CCDC88C: variants seen among roughly 807,000 people sequenced by gnomAD.
CCDC88C encodes protein Daple.
In CCDC88C, 131 loss-of-function variants were observed where a neutral mutation model predicts 198.8. The ratio of observed to expected loss-of-function variants is 0.66; its 90% CI spans 0.57 to 0.76. The LOEUF (loss-of-function observed/expected upper bound fraction) is 0.76, where lower values mean the gene tolerates loss of function less well. Ranked by LOEUF, CCDC88C falls within the 30% of genes least tolerant of loss-of-function variation. The pLI is 0.00. For missense variants in CCDC88C, 2,553 were observed against 2,631.6 expected, an observed-to-expected ratio of 0.97 and a Z score of 0.65; for synonymous variants, 1,166 against 1,114.7, an observed-to-expected ratio of 1.05 and a Z score of -0.92.
At position 91,313,666 on chromosome 14, in the gene CCDC88C, C is replaced by G; in HGVS notation, c.2150G>C (p.Arg717Pro). The part of the protein sequence containing the change: ...LELRRLVETM[R>P]FTSTKLAQME... Reference sequence around the variant, plus strand: ...CTGTGCCAGCTTGGTGCTGGTGAAGCGCATGGTCTCCACCAGCCTGCGCAG... The same window carrying G: ...CTGTGCCAGCTTGGTGCTGGTGAAGGGCATGGTCTCCACCAGCCTGCGCAG... Residue 717 changes from arginine (R) to proline (P), a missense_variant, in exon 15 of 30, where the codon CGC (arginine) becomes CCC (proline). By Grantham distance (103) the Arg-to-Pro change is moderately radical (BLOSUM62 -2). This residue lies in a region of CCDC88C where 1,260 missense variants were observed against 1,412.0 expected (regional missense o/e 0.89). Transcript: ENST00000389857. The surrounding 1 kb of genome is among the most constrained non-coding windows in gnomAD (Gnocchi z 5.2). 6.2e-7 allele frequency: 1 copy of G among 1,612,232 alleles called. No homozygotes were observed.
chr14:91,402,904 A>G (rs940803598), intron 3 of CCDC88C, among the ~76,000 whole-genome samples: 1 of 152,300 alleles, frequency 6.6e-6, no homozygotes, highest in African/African-American at 2.4e-5. Context: ...TTCACTTGAG[A>G]TAAGGAACCT....
At chr14:91,341,976 G>A (rs1042704967) in intron 6 of CCDC88C, among the ~76,000 whole-genome samples, 1 of 152,246 alleles carries the variant, frequency 6.6e-6, no homozygotes, top group Non-Finnish European at 1.5e-5. Context: ...GACAGAAGCA[G>A]AGAATCTCTC....
At position 91,339,486 on chromosome 14, in the gene CCDC88C, TGGA is replaced by T. The variant is rs1315617010; in HGVS notation, c.625-27_625-25del. The T allele has an allele frequency of 6.3e-6, 10 of 1,591,382 alleles. No homozygotes were observed. The highest frequency in any genetic ancestry group is 2.7e-5 in the African/African-American group (2 of 74,428). Reference sequence around the variant, plus strand: ...AGCTGCAGCCGGGCAGAGAGGGGGATGGAGGAGAACAAACGGGGTTAACCAGCA... The same window carrying T: ...AGCTGCAGCCGGGCAGAGAGGGGGATGGAGAACAAACGGGGTTAACCAGCA... On this transcript the variant is annotated intron_variant, in intron 7 of 29. Coordinates refer to ENST00000389857, the MANE Select transcript of CCDC88C (RefSeq NM_001080414.4). The surrounding 1 kb of genome is among the most constrained non-coding windows in gnomAD (Gnocchi z 5.8).
Position 91,339,763 on chromosome 14 carries a change from C to A in CCDC88C, c.624+121G>T. ...CCGTAACCAGGGAAAGCACGCACGT[C>A]CCACCCCCACCAGAACCTCAGCAGC... On this transcript the variant is annotated intron_variant, in intron 7 of 29. Coordinates refer to ENST00000389857, the MANE Select transcript of CCDC88C (RefSeq NM_001080414.4). This position sits in a 1 kb window ranked among gnomAD's most constrained non-coding sequence, Gnocchi z 5.8. The A allele has an allele frequency of 8.1e-7, 1 of 1,230,878 alleles. No homozygotes were observed. Among genetic ancestry groups the A allele is most frequent in the South Asian group, 1.6e-5 (1 of 63,562 alleles). The allele number at this position is 1,230,878 out of a possible 1,614,324, so 76.2% of individuals were successfully genotyped here.
chr14:91,350,830 C>T (rs1021806250), intron 4 of CCDC88C, among the ~76,000 whole-genome samples: 2 of 152,156 alleles, frequency 1.3e-5, no homozygotes, highest in Admixed American at 1.3e-4. Flanking sequence ...ACCATTACTG[C>T]ACCTTAATAT....
chr14:91,331,479 C>T (rs1407609422), intron 10 of CCDC88C, among the ~76,000 whole-genome samples: 2 of 152,216 alleles, frequency 1.3e-5, no homozygotes, highest in Non-Finnish European at 2.9e-5. Flanking sequence ...CCTGCCCCAC[C>T]CCGTTCCTGG....
At chr14:91,359,511 T>A in intron 4 of CCDC88C, 131 bp downstream of exon 4, 1 of 704,584 alleles carries the variant, frequency 1.4e-6, no homozygotes, top group Non-Finnish European at 2.5e-6. Context: ...CTCTTTAAAA[T>A]CTCACCAAAA....
At chr14:91,400,408 G>A (rs971063570) in intron 3 of CCDC88C, among the ~76,000 whole-genome samples, 3 of 152,218 alleles carry the variant, frequency 2.0e-5, no homozygotes, top group Non-Finnish European at 4.4e-5. Context: ...AATTCTGAAC[G>A]GACTGCAAAC....
At chr14:91,416,889 C>A in intron 1 of CCDC88C, 51 bp from the exon 2 acceptor site, 2 of 1,328,338 alleles carry the variant, frequency 1.5e-6, no homozygotes, top group Non-Finnish European at 2.1e-6. Context: ...CCCGTGCGCA[C>A]AAACGGTCCA....
chr14:91,297,759 G>C (rs1435977184), intron 21 of CCDC88C, among the ~76,000 whole-genome samples: 2 of 152,160 alleles, frequency 1.3e-5, no homozygotes, highest in Admixed American at 1.3e-4. Flanking sequence ...GAGCAGGCAA[G>C]CTCAGACACC....
intron 3 of CCDC88C, among the ~76,000 whole-genome samples, chr14:91,370,828 G>C (rs17127290): frequency 0.031 from 4,758 of 152,300 alleles, 155 homozygotes; most frequent in African/African-American, 0.081. Flanking sequence ...GAGCCATCAA[G>C]ATTATCCATA....
rs1255580203 is a variant in CCDC88C, at chr14:91,283,400, C to G, written c.4559G>C (p.Cys1520Ser). 2 of 1,613,772 alleles carry G rather than the reference C, an allele frequency of 1.2e-6. No homozygotes were observed. Among genetic ancestry groups the G allele is most frequent in the Non-Finnish European group, 1.7e-6 (2 of 1,179,834 alleles). The change falls in exon 26 of 30, where the codon TGC becomes TCC. Residue 1520 changes from cysteine (C) to serine (S), a missense_variant. Transcript: ENST00000389857. The stretch of plus-strand genomic sequence containing the variant: ...GGCTGTAGTGGTGGCTGAAGTTGAG[C>G]AAGTCCGGGAGCCCAGCTCCGAGGG... The part of the protein sequence containing the change: ...SWPSELGSRT[C>S]STSATTTAPS...
chr14:91,406,984 G>C (rs1886521064), intron 3 of CCDC88C, among the ~76,000 whole-genome samples: 1 of 152,148 alleles, frequency 6.6e-6, no homozygotes, highest in Non-Finnish European at 1.5e-5. Context: ...AAGCTTCCCA[G>C]ATGCAATGTC....
At chr14:91,311,793 C>A (rs1248523462) in intron 15 of CCDC88C, among the ~76,000 whole-genome samples, 1 of 152,146 alleles carries the variant, frequency 6.6e-6, no homozygotes, top group African/African-American at 2.4e-5. Flanking sequence ...GATTTTATAT[C>A]CCTCAAGAGA....
chr14:91,306,556 C>T (rs1020613363), intron 18 of CCDC88C, among the ~76,000 whole-genome samples: 2 of 152,180 alleles, frequency 1.3e-5, no homozygotes, highest in Admixed American at 1.3e-4. Context: ...TGTTGAGAAT[C>T]AAAGTCAGAG....
chr14:91,359,270 C>A (rs1334398833), intron 4 of CCDC88C, among the ~76,000 whole-genome samples: 6 of 140,374 alleles, frequency 4.3e-5, no homozygotes, highest in Admixed American at 1.4e-4. Flanking sequence ...CCTGCCTCAG[C>A]CTCCCGAGTA....
intron 4 of CCDC88C, among the ~76,000 whole-genome samples, chr14:91,347,539 T>C (rs1446357379): frequency 6.6e-6 from 1 of 152,080 alleles, no homozygotes; most frequent in African/African-American, 2.4e-5. Flanking sequence ...GAACAGACAC[T>C]TCTCAAAAGA....
At chr14:91,345,054 A>G (rs1447895079) in intron 4 of CCDC88C, among the ~76,000 whole-genome samples, 1 of 151,266 alleles carries the variant, frequency 6.6e-6, no homozygotes, top group African/African-American at 2.4e-5. Flanking sequence ...TCAGCCTTCC[A>G]AAGTGTTGGG....
chr14:91,390,175 A>G (rs959401395), intron 3 of CCDC88C, among the ~76,000 whole-genome samples: 11 of 151,314 alleles, frequency 7.3e-5, no homozygotes, highest in African/African-American at 2.7e-4. Context: ...CCCTCAGTGG[A>G]GCAAGTTGCT....
Sources: gnomAD v4.1 joint callset for allele counts (sites outside exome capture counted in the v4.1 genomes callset) on GRCh38, gnomAD v4.1.1 for gene constraint, gnomAD v4.1.1 regional missense constraint, Gnocchi (gnomAD v3.1) non-coding constraint, MANE v1.5 for transcripts, NCBI Gene and HGNC (gene_info 2026-07-23, HGNC 2026-07-21) for gene names.